The following FBXL7 variants were observed in gnomAD, a reference collection of about 807,000 sequenced individuals.
The protein encoded by FBXL7 is F-box and leucine rich repeat protein 7, also known as F-box/LRR-repeat protein 7.
In FBXL7, 12 loss-of-function variants were observed where a neutral mutation model predicts 38.3. The observed-to-expected ratio is 0.31, with a 90% CI of 0.20 to 0.51. The LOEUF (loss-of-function observed/expected upper bound fraction) is 0.51. FBXL7 is among the 20% of genes least tolerant of loss of function. The probability of loss-of-function intolerance (pLI) is 0.98; values close to 1 mark genes in which losing one functional copy is unlikely to be tolerated. For missense variants in FBXL7, 567 were observed against 676.4 expected, an observed-to-expected ratio of 0.84 and a Z score of 1.79; for synonymous variants, 297 against 300.9, an observed-to-expected ratio of 0.99 and a Z score of 0.13.
chr5:15,775,510 C>T (rs909044424), intron 2 of FBXL7, among the ~76,000 whole-genome samples: 1 of 152,016 alleles, frequency 6.6e-6, no homozygotes, highest in Non-Finnish European at 1.5e-5. Context: ...ACTTTTGATA[C>T]CTGCCCATAT....
chr5:15,523,748 C>T (rs1737172900), intron 1 of FBXL7, among the ~76,000 whole-genome samples: 1 of 152,084 alleles, frequency 6.6e-6, no homozygotes, highest in South Asian at 2.1e-4. Context: ...TGGTGGCTTG[C>T]TTATAGGTTG....
intron 2 of FBXL7, among the ~76,000 whole-genome samples, chr5:15,718,342 T>G (rs969533758): frequency 2.6e-5 from 4 of 152,206 alleles, no homozygotes; most frequent in South Asian, 2.1e-4. Context: ...GTATTTCCCT[T>G]CATCTTTCTT....
intron 1 of FBXL7, among the ~76,000 whole-genome samples, chr5:15,535,369 G>A (rs1396918438): frequency 6.6e-6 from 1 of 152,212 alleles, no homozygotes; most frequent in Admixed American, 6.5e-5. Flanking sequence ...GAACGTGTGG[G>A]AAAGTTTGGA....
intron 2 of FBXL7, among the ~76,000 whole-genome samples, chr5:15,739,073 G>A (rs912596117): frequency 3.9e-5 from 6 of 152,294 alleles, no homozygotes; most frequent in African/African-American, 1.4e-4. Flanking sequence ...TGTAACATTG[G>A]TTTCTCTCAT....
rs1225518829 is a variant in FBXL7, at chr5:15,938,900, A to C, written c.*1714A>C. 2.5e-6 allele frequency: 1 copy of C among 398,582 alleles called. No homozygotes were observed. The highest frequency in any genetic ancestry group is 2.1e-5 in the African/African-American group (1 of 48,628). 24.7% of individuals were successfully genotyped at this position (398,582 alleles called of 1,614,324 possible). A position where few individuals can be genotyped will look rare whatever the true frequency, so the allele number is the denominator to read the frequency against. ...CCTTTCCCAGATTATTCTCTAGCCA[A>C]GCCCCACCTTTGTTACGTTGAAATC... On this transcript the variant is annotated 3_prime_UTR_variant, in exon 4 of 4. Coordinates refer to ENST00000504595, the MANE Select transcript of FBXL7 (RefSeq NM_012304.5).
In FBXL7 at chr5:15,868,889, G is replaced by A. The variant is rs184583864; in HGVS notation, c.128-59001G>A. Among the ~76,000 whole-genome samples the A allele has an allele frequency of 1.9e-4, 29 of 152,210 alleles. No individual in the cohort carries two copies. In the East Asian group the frequency reaches 4.4e-3, roughly 23 times the overall value. On this transcript the variant is annotated intron_variant, in intron 2 of 3. Transcript: ENST00000504595. ...TTTCCCCGTAGTACTTGCCACTAGA[G>A]TAATTGTATATAAGAGTTAACTATC...
At chr5:15,663,677 T>G (rs1040364606) in intron 2 of FBXL7, among the ~76,000 whole-genome samples, 11 of 152,220 alleles carry the variant, frequency 7.2e-5, no homozygotes, top group Non-Finnish European at 1.2e-4. Context: ...AAGCCTACTT[T>G]ATCGTGGTGG....
At chr5:15,921,250 G>A (rs1017671935) in intron 2 of FBXL7, among the ~76,000 whole-genome samples, 11 of 151,904 alleles carry the variant, frequency 7.2e-5, no homozygotes, top group African/African-American at 2.7e-4. Flanking sequence ...GTGTGGTGGT[G>A]TGCGCCTGTA....
At chr5:15,530,146 G>GT (rs1360846872) in intron 1 of FBXL7, among the ~76,000 whole-genome samples, 1 of 152,150 alleles carries the variant, frequency 6.6e-6, no homozygotes, top group Non-Finnish European at 1.5e-5. Context: ...GTAATACTGA[G>GT]TAGTTGAACT....
intron 2 of FBXL7, among the ~76,000 whole-genome samples, chr5:15,892,886 G>C (rs569483020): frequency 6.6e-6 from 1 of 152,276 alleles, no homozygotes; most frequent in African/African-American, 2.4e-5. Flanking sequence ...GGGAGGCCGA[G>C]GGGGGCGGAT....
At chr5:15,822,689 T>A (rs1255544809) in intron 2 of FBXL7, among the ~76,000 whole-genome samples, 1 of 149,782 alleles carries the variant, frequency 6.7e-6, no homozygotes, top group East Asian at 2.0e-4. Context: ...CACCCTTTCA[T>A]ATGGCTTAGC....
chr5:15,553,246 T>C (rs1437902741), intron 1 of FBXL7, among the ~76,000 whole-genome samples: 1 of 152,218 alleles, frequency 6.6e-6, no homozygotes, highest in Non-Finnish European at 1.5e-5. Context: ...CCACTTGTCT[T>C]ATTTACCATA....
chr5:15,657,883 A>T (rs551225042), intron 2 of FBXL7, among the ~76,000 whole-genome samples: 7 of 152,096 alleles, frequency 4.6e-5, no homozygotes, highest in African/African-American at 1.4e-4. Context: ...ATATTTGCTG[A>T]CTAGGGAGCA....
At chr5:15,892,338 C>G (rs1740937241) in intron 2 of FBXL7, among the ~76,000 whole-genome samples, 1 of 152,190 alleles carries the variant, frequency 6.6e-6, no homozygotes, top group African/African-American at 2.4e-5. Flanking sequence ...GCATGTTCTA[C>G]AAAGACTGTG....
intron 2 of FBXL7, among the ~76,000 whole-genome samples, chr5:15,810,159 T>A (rs1436073160): frequency 6.6e-6 from 1 of 152,182 alleles, no homozygotes; most frequent in Non-Finnish European, 1.5e-5. Flanking sequence ...AAAATTGAAG[T>A]CTATTTCTTA....
intron 2 of FBXL7, among the ~76,000 whole-genome samples, chr5:15,902,155 G>A (rs1741248295): frequency 6.6e-6 from 1 of 152,102 alleles, no homozygotes; most frequent in South Asian, 2.1e-4. Flanking sequence ...GTTTTATATT[G>A]GTTGTCTTGC....
At chr5:15,641,684 C>T (rs1289907455) in intron 2 of FBXL7, among the ~76,000 whole-genome samples, 1 of 152,092 alleles carries the variant, frequency 6.6e-6, no homozygotes, top group Non-Finnish European at 1.5e-5. Context: ...GGGCGAGTCT[C>T]ATCCAATCTG....
chr5:15,696,821 G>A (rs1173815688), intron 2 of FBXL7, among the ~76,000 whole-genome samples: 1 of 152,186 alleles, frequency 6.6e-6, no homozygotes, highest in African/African-American at 2.4e-5. Context: ...TTGTTTCACA[G>A]TTACTTATGG....
At chr5:15,698,019 T>C (rs1743392962) in intron 2 of FBXL7, among the ~76,000 whole-genome samples, 1 of 152,226 alleles carries the variant, frequency 6.6e-6, no homozygotes, top group East Asian at 1.9e-4. Flanking sequence ...CTTATAATAA[T>C]GCAGCAAGTT....
Sources: gnomAD v4.1 joint callset for allele counts (sites outside exome capture counted in the v4.1 genomes callset) on GRCh38, gnomAD v4.1.1 for gene constraint, MANE v1.5 for transcripts, NCBI Gene and HGNC (gene_info 2026-07-23, HGNC 2026-07-21) for gene names.